KLF2: variants seen among roughly 807,000 people sequenced by gnomAD.
The protein encoded by KLF2 is KLF transcription factor 2, also known as Krueppel-like factor 2.
KLF2 carries 9 observed loss-of-function variants against 22.2 expected under a neutral mutation model. The observed-to-expected ratio is 0.40, with a 90% CI of 0.24 to 0.71. The LOEUF (loss-of-function observed/expected upper bound fraction) is 0.71, where lower values mean the gene tolerates loss of function less well. Ranked by LOEUF, KLF2 falls within the 30% of genes least tolerant of loss-of-function variation. KLF2 has a pLI of 0.35. For synonymous variants in KLF2, 299 were observed against 264.2 expected, an observed-to-expected ratio of 1.13 and a Z score of -1.28; for missense variants, 481 against 542.1, an observed-to-expected ratio of 0.89 and a Z score of 1.12.
chr19:16,326,553 CT>C (rs1186607898), intron 2 of KLF2, among the ~76,000 whole-genome samples: 3 of 151,988 alleles, frequency 2.0e-5, no homozygotes, highest in Non-Finnish European at 4.4e-5. Flanking sequence ...GGAGTGTTCG[CT>C]GGGAAACCTT....
chr19:16,325,350 G>T lies in KLF2; in HGVS notation c.210G>T (p.Pro70=). 1 of 1,465,022 alleles carries T rather than the reference G, an allele frequency of 6.8e-7. No homozygotes were observed. Among genetic ancestry groups the T allele is most frequent in the African/African-American group, 1.5e-5 (1 of 67,216 alleles). 90.8% of individuals were successfully genotyped at this position (1,465,022 alleles called of 1,614,324 possible). Residue 70 remains proline, a synonymous_variant, in exon 2 of 3, where the codon CCG becomes CCT. Transcript: ENST00000248071. ...AAPEPPPPPP[P]PAFYYPEPGA... is the part of the protein sequence containing the mutation. ...CGGAGCCGCCGCCGCCGCCCCCGCCGCCTGCGTTCTATTACCCCGAACCCG... is the reference window on the plus strand; with the variant it reads ...CGGAGCCGCCGCCGCCGCCCCCGCCTCCTGCGTTCTATTACCCCGAACCCG...
At position 16,327,173 on chromosome 19, in the gene KLF2, G is replaced by A; in HGVS notation, c.*142G>A. On this transcript the variant is annotated 3_prime_UTR_variant, in exon 3 of 3. Coordinates refer to ENST00000248071, the MANE Select transcript of KLF2 (RefSeq NM_016270.4). ...GTGGCTACAGAGGGTCTCCCTCGAT[G>A]ACGACGACGACGACGCCACCACCCC... 1 of 685,560 alleles carries A rather than the reference G, an allele frequency of 1.5e-6. No homozygotes were observed. The highest frequency in any genetic ancestry group is 2.3e-6 in the Non-Finnish European group (1 of 435,366). The allele number at this position is 685,560 out of a possible 1,614,324, so 42.5% of individuals were successfully genotyped here. A position where few individuals can be genotyped will look rare whatever the true frequency, so the allele number is the denominator to read the frequency against.
intron 2 of KLF2, among the ~76,000 whole-genome samples, chr19:16,326,414 G>A (rs1299707483): frequency 6.6e-6 from 1 of 152,050 alleles, no homozygotes; most frequent in Non-Finnish European, 1.5e-5. Flanking sequence ...AATCCCCGGG[G>A]CTGAGGCTCA....
At position 16,324,995 on chromosome 19, in the gene KLF2, G is replaced by A. The variant is rs774160068; in HGVS notation, c.72G>A (p.Gln24=). The change falls in exon 1 of 3, where the codon CAG becomes CAA. Residue 24 remains glutamine, a synonymous_variant. Coordinates refer to ENST00000248071, the MANE Select transcript of KLF2 (RefSeq NM_016270.4). ...GCCCGTGCCGCGAGCGCGGCCTGCA[G>A]GAGGTGAGGGCGGCGGGGACGGCGG... ...FASPCRERGL[Q]ERWPRAEPES... The A allele has an allele frequency of 1.3e-5, 21 of 1,594,300 alleles. No homozygotes were observed. The highest frequency in any genetic ancestry group is 3.4e-4 in the Middle Eastern group (2 of 5,828).
chr19:16,325,708 C>T lies in KLF2; in HGVS notation c.568C>T (p.Arg190Cys). 8.5e-7 allele frequency: 1 copy of T among 1,175,088 alleles called. No individual in the cohort carries two copies. Among genetic ancestry groups the T allele is most frequent in the South Asian group, 4.0e-5 (1 of 25,142 alleles). 72.8% of individuals were successfully genotyped at this position (1,175,088 alleles called of 1,614,324 possible). The change falls in exon 2 of 3, where the codon CGC becomes TGC. Residue 190 changes from arginine to cysteine, a missense_variant. Arg to Cys is a radical substitution (Grantham distance 180). Around this residue, in one of 2 missense-constraint regions of KLF2, gnomAD observed 421 missense variants for 435.1 expected, o/e 0.97. Coordinates refer to ENST00000248071, the MANE Select transcript of KLF2 (RefSeq NM_016270.4). ...CGCGCGCCTGCCCGCGCCCGGTCCG[C>T]GCGCCTCCTTCCCGCCGCCTTTCGG... ...GPARLPAPGP[R>C]ASFPPPFGGP...
chr19:16,326,774 GATAGGTTGCGCTCGCCGGGGTAGCC>G, intron 2 of KLF2, 57 bp from the exon 3 acceptor site: 2 of 1,413,064 alleles, frequency 1.4e-6, no homozygotes, highest in Non-Finnish European at 9.7e-7. Context: ...CCTGGTTAGG[GATAGGTTGCGCTCGCCGGGGTAGCC>G]ATACGTGCCC....
At position 16,325,798 on chromosome 19, in the gene KLF2, G is replaced by A; in HGVS notation, c.658G>A (p.Gly220Ser). The A allele has an allele frequency of 7.5e-7, 1 of 1,336,310 alleles. No individual in the cohort carries two copies. 82.8% of individuals were successfully genotyped at this position (1,336,310 alleles called of 1,614,324 possible). Residue 220 changes from glycine to serine, a missense_variant, in exon 2 of 3, where the codon GGT becomes AGT. Physicochemically the swap from Gly to Ser is moderately conservative, Grantham distance 56. Transcript: ENST00000248071. ...HYAPPAPPAF[G>S]LFDDAAAAAA... ...CGCGCCGCCTGCGCCCCCAGCCTTC[G>A]GTCTCTTCGACGACGCGGCCGCCGC... is the stretch of plus-strand genomic sequence containing the variant.
chr19:16,325,710 C>T lies in KLF2; in HGVS notation c.570C>T (p.Arg190=), dbSNP rs2091887541. The T allele has an allele frequency of 6.8e-6, 8 of 1,179,070 alleles. No individual in the cohort carries two copies. The highest frequency in any genetic ancestry group is 8.4e-6 in the Non-Finnish European group (8 of 957,572). 73.0% of individuals were successfully genotyped at this position (1,179,070 alleles called of 1,614,324 possible). The change falls in exon 2 of 3, where the codon CGC becomes CGT. Residue 190 remains arginine, a synonymous_variant. Coordinates refer to ENST00000248071, the MANE Select transcript of KLF2 (RefSeq NM_016270.4). ...CGCGCCTGCCCGCGCCCGGTCCGCGCGCCTCCTTCCCGCCGCCTTTCGGTG... is the reference window on the plus strand; with the variant it reads ...CGCGCCTGCCCGCGCCCGGTCCGCGTGCCTCCTTCCCGCCGCCTTTCGGTG... ...GPARLPAPGP[R]ASFPPPFGGP...
rs1466282572 is a variant in KLF2, at chr19:16,325,969, G to C, written c.829G>C (p.Ala277Pro). The C allele has an allele frequency of 6.5e-7, 1 of 1,549,388 alleles. No homozygotes were observed. Residue 277 changes from alanine (A) to proline (P), a missense_variant, in exon 2 of 3, where the codon GCG becomes CCG. This residue lies in a region of KLF2 where 421 missense variants were observed against 435.1 expected (regional missense o/e 0.97). Transcript: ENST00000248071. ...CACCGCCACTCACACCTGCAGCTAC[G>C]CGGGCTGCGGCAAGACCTACACCAA... ...KRTATHTCSYAGCGKTYTKSS... is the reference protein window; with the variant it reads ...KRTATHTCSYPGCGKTYTKSS...
At position 16,327,068 on chromosome 19, in the gene KLF2, G is replaced by T. The variant is rs998753140; in HGVS notation, c.*37G>T. ...CCGCCCACCTGCGCGCGGCCGTGGC[G>T]GGTCCCACGCGCCGGGCGCGGCCCC... On this transcript the variant is annotated 3_prime_UTR_variant, in exon 3 of 3. Transcript: ENST00000248071. 8.6e-6 allele frequency: 13 copies of T among 1,512,406 alleles called. No individual in the cohort carries two copies. Among genetic ancestry groups the T allele is most frequent in the Non-Finnish European group, 9.8e-6 (11 of 1,128,050 alleles). The allele number at this position is 1,512,406 out of a possible 1,614,324, so 93.7% of individuals were successfully genotyped here.
chr19:16,326,132 G>GGGCGT lies in KLF2; in HGVS notation c.892+104_892+108dup, dbSNP rs908570160. 7.5e-6 allele frequency: 9 copies of GGGCGT among 1,199,472 alleles called. No homozygotes were observed. The East Asian group carries it at 2.6e-4, about 35-fold the overall frequency. The allele number at this position is 1,199,472 out of a possible 1,614,324, so 74.3% of individuals were successfully genotyped here. A position where few individuals can be genotyped will look rare whatever the true frequency, so the allele number is the denominator to read the frequency against. ...GAAAATGAATTTAGGACCTCCCTTG[G>GGGCGT]GGCGTGGCTCAGGGGGATCTGGCAG... is the stretch of plus-strand genomic sequence containing the variant. On this transcript the variant is annotated intron_variant, in intron 2 of 2. Coordinates refer to ENST00000248071, the MANE Select transcript of KLF2 (RefSeq NM_016270.4).
chr19:16,326,351 CAG>C, intron 2 of KLF2, among the ~76,000 whole-genome samples: 1 of 151,496 alleles, frequency 6.6e-6, no homozygotes, highest in Non-Finnish European at 1.5e-5. Context: ...GAGACAGTCT[CAG>C]AAAGTTGGGG....
Position 16,325,893 on chromosome 19 carries a change from GC to G in KLF2, c.754del (p.Leu252CysfsTer38), listed in dbSNP as rs773728632. ...TCACGCCGCCTGCGTCCCCGCTGGA[GC>G]TGCTGGAGGCCAAGCCAAAGCGCGG... ...LLTPPASPLELLEAKPKRGRR... is the reference protein window; with the variant it reads ...LLTPPASPLEXLEAKPKRGRR... On this transcript the variant is annotated frameshift_variant, in exon 2 of 3. Transcript: ENST00000248071. LOFTEE classifies it high-confidence loss of function. The G allele has an allele frequency of 6.7e-7, 1 of 1,494,356 alleles. No individual in the cohort carries two copies. The allele number at this position is 1,494,356 out of a possible 1,614,324, so 92.6% of individuals were successfully genotyped here.
chr19:16,326,166 C>A, intron 2 of KLF2, 134 bp downstream of exon 2: 1 of 842,036 alleles, frequency 1.2e-6, no homozygotes, highest in Non-Finnish European at 1.7e-6. Context: ...AGGTGGTGCA[C>A]GCTTAGGACT....
At position 16,325,970 on chromosome 19, in the gene KLF2, C is replaced by T. The variant is rs2091888713; in HGVS notation, c.830C>T (p.Ala277Val). The change falls in exon 2 of 3, where the codon GCG (alanine) becomes GTG (valine). Residue 277 changes from alanine to valine, a missense_variant. Around this residue, in one of 2 missense-constraint regions of KLF2, gnomAD observed 421 missense variants for 435.1 expected, o/e 0.97. Transcript: ENST00000248071. ...KRTATHTCSY[A>V]GCGKTYTKSS... Reference sequence around the variant, plus strand: ...ACCGCCACTCACACCTGCAGCTACGCGGGCTGCGGCAAGACCTACACCAAG... The same window carrying T: ...ACCGCCACTCACACCTGCAGCTACGTGGGCTGCGGCAAGACCTACACCAAG... 6.5e-7 allele frequency: 1 copy of T among 1,549,932 alleles called. No homozygotes were observed.
chr19:16,326,069 G>C (rs750018445), intron 2 of KLF2, 37 bp downstream of exon 2: 64 of 1,518,724 alleles, frequency 4.2e-5, no homozygotes, highest in Non-Finnish European at 5.6e-5. Flanking sequence ...GCAGGCGGGG[G>C]GACGCGGGAG....
intron 2 of KLF2, 53 bp downstream of exon 2, chr19:16,326,085 G>A: frequency 6.7e-7 from 1 of 1,497,966 alleles, no homozygotes; most frequent in South Asian, 1.2e-5. Context: ...GGGAGGAGAG[G>A]TCGGATTCCC....
At chr19:16,325,065 G>A in intron 1 of KLF2, 67 bp downstream of exon 1, 1 of 1,430,308 alleles carries the variant, frequency 7.0e-7, no homozygotes. Context: ...GTAGAACGTG[G>A]GCTGCGGGGT....
Position 16,326,990 on chromosome 19 carries a change from C to T in KLF2, c.1027C>T (p.Arg343Cys), listed in dbSNP as rs1433034562. Residue 343 changes from arginine (R) to cysteine (C), a missense_variant, in exon 3 of 3, where the codon CGC becomes TGC. This residue lies in a region of KLF2 where 60 missense variants were observed against 107.0 expected (regional missense o/e 0.56). Coordinates refer to ENST00000248071, the MANE Select transcript of KLF2 (RefSeq NM_016270.4). ...CCATCTGTGCGATCGTGCCTTCTCG[C>T]GCTCCGATCACCTGGCGCTGCACAT... Reference protein sequence around the residue: ...QCHLCDRAFSRSDHLALHMKR... With the variant: ...QCHLCDRAFSCSDHLALHMKR... 1.2e-6 allele frequency: 2 copies of T among 1,612,210 alleles called. No homozygotes were observed. Among genetic ancestry groups the T allele is most frequent in the Non-Finnish European group, 1.7e-6 (2 of 1,179,454 alleles).
Sources: gnomAD v4.1 joint callset for allele counts (sites outside exome capture counted in the v4.1 genomes callset) on GRCh38, gnomAD v4.1.1 for gene constraint, gnomAD v4.1.1 regional missense constraint, MANE v1.5 for transcripts, NCBI Gene and HGNC (gene_info 2026-07-23, HGNC 2026-07-21) for gene names.